The following DOCK2 variants were observed in gnomAD, a reference collection of about 807,000 sequenced individuals.
DOCK2 encodes dedicator of cytokinesis 2.
A neutral mutation model predicts 248.9 loss-of-function variants in DOCK2; 87 were observed. The ratio of observed to expected loss-of-function variants is 0.35; its 90% CI spans 0.29 to 0.42. The LOEUF is 0.42. Ranked by LOEUF, DOCK2 falls within the 10% of genes least tolerant of loss-of-function variation. DOCK2 has a pLI of 1.00. For missense variants in DOCK2, 1,747 were observed against 2,300.2 expected (o/e 0.76, Z 4.92); for synonymous variants, 805 against 821.6 (o/e 0.98, Z 0.35).
chr5:169,824,011 C>A (rs1242567872), intron 26 of DOCK2, among the ~76,000 whole-genome samples: 3 of 152,318 alleles, frequency 2.0e-5, no homozygotes, highest in Admixed American at 6.5e-5. Context: ...TGAGTGAATT[C>A]TCTTTCATAA....
Position 170,019,089 on chromosome 5 carries a change from G to A in DOCK2, c.3362G>A (p.Arg1121Lys), listed in dbSNP as rs748822032. ...GACATGATGCTGTGTGAATATCAAA[G>A]AAGTGGGGATTTCAAAAAGGTAAAA... ...FFDMMLCEYQ[R>K]SGDFKKFENE... Residue 1121 changes from arginine to lysine, a missense_variant, in exon 33 of 52, where the codon AGA becomes AAA. Transcript: ENST00000520908. 1.2e-6 allele frequency: 2 copies of A among 1,614,032 alleles called. No homozygotes were observed. The highest frequency in any genetic ancestry group is 1.7e-5 in the Admixed American group (1 of 59,998).
At chr5:169,953,635 A>G (rs6555878) in intron 27 of DOCK2, among the ~76,000 whole-genome samples, 55,219 of 151,948 alleles carry the variant, frequency 0.36, 11,813 homozygotes, top group African/African-American at 0.61. Context: ...TGGGCAGAAG[A>G]GTTCACAGAG....
At chr5:169,720,957 C>G (rs1352590188) in intron 22 of DOCK2, among the ~76,000 whole-genome samples, 2 of 152,156 alleles carry the variant, frequency 1.3e-5, no homozygotes, top group African/African-American at 2.4e-5. Flanking sequence ...CTCCTGATCT[C>G]GTGATCTGCC....
intron 38 of DOCK2, among the ~76,000 whole-genome samples, chr5:170,043,086 C>T (rs779900182): frequency 3.4e-4 from 51 of 152,234 alleles, no homozygotes; most frequent in Non-Finnish European, 4.0e-4. Flanking sequence ...TGCTGCTCAG[C>T]TCCAGCCTCT....
chr5:169,958,951 T>C (rs1246287294), intron 27 of DOCK2, among the ~76,000 whole-genome samples: 2 of 152,220 alleles, frequency 1.3e-5, no homozygotes, highest in Non-Finnish European at 2.9e-5. Flanking sequence ...GGCTAAGGAA[T>C]GAGGCAGGTT....
intron 6 of DOCK2, among the ~76,000 whole-genome samples, chr5:169,675,797 T>A (rs992260949): frequency 6.6e-5 from 10 of 152,168 alleles, no homozygotes; most frequent in Admixed American, 6.5e-4. Context: ...CAGGCTTTCT[T>A]GCCCTGACAT....
At chr5:169,967,967 A>C (rs1366283813) in intron 27 of DOCK2, among the ~76,000 whole-genome samples, 1 of 152,098 alleles carries the variant, frequency 6.6e-6, no homozygotes, top group African/African-American at 2.4e-5. Flanking sequence ...CATGGGGAGG[A>C]GGAAGAAAGG....
chr5:169,761,494 C>G, intron 24 of DOCK2, 25 bp from the exon 25 acceptor site: 1 of 1,593,600 alleles, frequency 6.3e-7, no homozygotes, highest in Non-Finnish European at 8.6e-7. Flanking sequence ...CTTGCTCTAC[C>G]AGCTCCTATT....
intron 27 of DOCK2, chr5:169,883,333 G>A: frequency 1.9e-6 from 3 of 1,551,594 alleles, no homozygotes; most frequent in African/African-American, 2.7e-5. Flanking sequence ...CCAAGTTCCT[G>A]CTTCCAAGCA....
chr5:170,053,526 C>T (rs931867432), intron 41 of DOCK2, among the ~76,000 whole-genome samples: 5 of 152,352 alleles, frequency 3.3e-5, no homozygotes, highest in Non-Finnish European at 7.3e-5. Context: ...CTGGGCCTTA[C>T]AAAAACAGGC....
intron 22 of DOCK2, among the ~76,000 whole-genome samples, chr5:169,730,070 C>A (rs1448544986): frequency 1.3e-5 from 2 of 152,184 alleles, no homozygotes; most frequent in Non-Finnish European, 2.9e-5. Context: ...GATTCTCCTG[C>A]CTCAGCCTCC....
chr5:169,799,903 G>A (rs1434227492), intron 25 of DOCK2, among the ~76,000 whole-genome samples: 1 of 151,980 alleles, frequency 6.6e-6, no homozygotes, highest in Non-Finnish European at 1.5e-5. Flanking sequence ...TACTTCCTGG[G>A]CTCTGATCTT....
chr5:169,957,923 G>A (rs982421990), intron 27 of DOCK2, among the ~76,000 whole-genome samples: 5 of 152,240 alleles, frequency 3.3e-5, no homozygotes, highest in African/African-American at 1.2e-4. Flanking sequence ...CAAAAGTGGA[G>A]GTTTCCAGTG....
chr5:169,820,603 T>G (rs1049690794), intron 26 of DOCK2, among the ~76,000 whole-genome samples: 3 of 152,002 alleles, frequency 2.0e-5, no homozygotes, highest in Non-Finnish European at 4.4e-5. Context: ...GACATCCACA[T>G]CAAAACCCCA....
chr5:170,025,239 C>A (rs1243959723), intron 33 of DOCK2, among the ~76,000 whole-genome samples: 2 of 152,240 alleles, frequency 1.3e-5, no homozygotes, highest in African/African-American at 2.4e-5. Context: ...AAGGGGTAGA[C>A]AAACTCTGGC....
intron 27 of DOCK2, among the ~76,000 whole-genome samples, chr5:169,976,918 C>T (rs552295658): frequency 2.0e-5 from 3 of 152,340 alleles, no homozygotes; most frequent in Admixed American, 1.3e-4. Flanking sequence ...ATGCCTTTGA[C>T]ATGTAGCAGG....
Position 169,666,209 on chromosome 5 carries a change from A to G in DOCK2, c.128-3079A>G, listed in dbSNP as rs114422183. On this transcript the variant is annotated intron_variant, in intron 2 of 51. Coordinates refer to ENST00000520908, the MANE Select transcript of DOCK2 (RefSeq NM_004946.3). The stretch of plus-strand genomic sequence containing the variant: ...CATGGCAGAGAGCAAAGAGAGAGGG[A>G]GCAAACTCTCCTGTAAGGGCACTAA... Among the ~76,000 whole-genome samples, 1,440 of 152,192 alleles carry G rather than the reference A, an allele frequency of 9.5e-3. 23 individuals are homozygous for G. Among genetic ancestry groups the G allele is most frequent in the African/African-American group, 0.033 (1,356 of 41,516 alleles).
chr5:169,696,263 G>T (rs144665427), intron 10 of DOCK2, among the ~76,000 whole-genome samples: 1,713 of 152,254 alleles, frequency 0.011, 13 homozygotes, highest in Non-Finnish European at 0.019. Flanking sequence ...CTAATTATGA[G>T]GAGCAAATCA....
chr5:169,978,021 C>G (rs1057365259), intron 27 of DOCK2, among the ~76,000 whole-genome samples: 1 of 152,178 alleles, frequency 6.6e-6, no homozygotes, highest in Admixed American at 6.5e-5. Flanking sequence ...CTAGAAAGAA[C>G]TTTTCATCTG....
Sources: allele counts gnomAD v4.1 joint callset (sites outside exome capture counted in the v4.1 genomes callset), GRCh38; gene constraint gnomAD v4.1.1; transcripts MANE v1.5; gene names NCBI Gene and HGNC (gene_info 2026-07-23, HGNC 2026-07-21).